The following SHQ1 variants were observed in gnomAD, a reference collection of about 807,000 sequenced individuals.
SHQ1 encodes SHQ1, H/ACA ribonucleoprotein assembly factor, also known as protein SHQ1 homolog.
Under a neutral mutation model 53.8 loss-of-function variants are expected in SHQ1, and 49 were observed. That is an observed-to-expected ratio of 0.91 (90% CI 0.72 to 1.16). SHQ1 has a LOEUF of 1.16. Ranked by LOEUF, SHQ1 falls within the 50% of genes most tolerant of loss-of-function variation. The pLI is 0.00. For missense variants in SHQ1, 738 were observed against 683.1 expected (o/e 1.08, Z -0.90); for synonymous variants, 243 against 251.0 (o/e 0.97, Z 0.30).
intron 10 of SHQ1, chr3:72,752,888 C>T (rs1559657932): frequency 1.6e-6 from 1 of 641,728 alleles, no homozygotes; most frequent in African/African-American, 2.0e-5. Flanking sequence ...TGGTCTTGAT[C>T]TCCTGACCTC....
At chr3:72,820,956 T>C (rs1291201114) in intron 6 of SHQ1, among the ~76,000 whole-genome samples, 1 of 152,212 alleles carries the variant, frequency 6.6e-6, no homozygotes, top group African/African-American at 2.4e-5. Context: ...AAATATTTTC[T>C]AATTTTGTTA....
intron 10 of SHQ1, among the ~76,000 whole-genome samples, chr3:72,760,798 GAA>G (rs1206810965): frequency 1.3e-5 from 2 of 152,198 alleles, no homozygotes; most frequent in African/African-American, 2.4e-5. Context: ...TGTGGAGCTA[GAA>G]AATAATCAGT....
At chr3:72,787,378 A>G (rs1236601742) in intron 10 of SHQ1, among the ~76,000 whole-genome samples, 2 of 152,232 alleles carry the variant, frequency 1.3e-5, no homozygotes, top group Non-Finnish European at 2.9e-5. Flanking sequence ...TGTACTGATA[A>G]GAGTCAGGAT....
Position 72,749,325 on chromosome 3 carries a change from G to T in SHQ1, c.*959C>A. 4.4e-6 allele frequency: 1 copy of T among 229,532 alleles called. No homozygotes were observed. The highest frequency in any genetic ancestry group is 6.2e-5 in the East Asian group (1 of 16,174). The allele number at this position is 229,532 out of a possible 1,614,324, so 14.2% of individuals were successfully genotyped here. A position where few individuals can be genotyped will look rare whatever the true frequency, so the allele number is the denominator to read the frequency against. ...CTTTATTTATAACAGCCCCAAACTG[G>T]AAACAACCCAGGTGTCCATCGATAG... On this transcript the variant is annotated 3_prime_UTR_variant, in exon 11 of 11. Transcript: ENST00000325599.
intron 10 of SHQ1, among the ~76,000 whole-genome samples, chr3:72,757,065 T>C (rs934258203): frequency 1.3e-5 from 2 of 152,160 alleles, no homozygotes; most frequent in African/African-American, 4.8e-5. Context: ...ATACATCCTG[T>C]TTTTTTGCTG....
intron 9 of SHQ1, among the ~76,000 whole-genome samples, chr3:72,800,927 T>G (rs578171971): frequency 2.7e-4 from 41 of 152,352 alleles, no homozygotes; most frequent in African/African-American, 9.6e-4. Context: ...CTTTTTGCCT[T>G]TTCTGCTCTA....
At chr3:72,742,873 C>T in the SHQ1 span, among the ~76,000 whole-genome samples, 7 of 152,126 alleles carry the variant, frequency 4.6e-5, no homozygotes, top group Non-Finnish European at 7.4e-5. Flanking sequence ...TCCTCGGCTT[C>T]GATCCACCTG....
downstream of SHQ1, among the ~76,000 whole-genome samples, chr3:72,747,271 C>T (rs1462691646): frequency 6.6e-6 from 1 of 152,200 alleles, no homozygotes; most frequent in Admixed American, 6.5e-5. Context: ...ACCTCCCCAG[C>T]AGCTTAAACT....
chr3:72,833,296 C>G (rs1707877817), intron 4 of SHQ1, among the ~76,000 whole-genome samples: 1 of 152,056 alleles, frequency 6.6e-6, no homozygotes, highest in Non-Finnish European at 1.5e-5. Context: ...CAAAAATTAG[C>G]CAGGCATGGT....
In SHQ1 at chr3:72,750,292, T is replaced by C. The variant is rs1221352417; in HGVS notation, c.1726A>G (p.Asn576Asp). Reference sequence around the variant, plus strand: ...ATAAAACCACCTAAGAGTCAATTATTTGGTGTCTGACAGCCGTCTCTCTCC... The same window carrying C: ...ATAAAACCACCTAAGAGTCAATTATCTGGTGTCTGACAGCCGTCTCTCTCC... ...IQERDGCQTP[N>D]N The change falls in exon 11 of 11, where the codon AAT (asparagine) becomes GAT (aspartate). Residue 576 changes from asparagine to aspartate, a missense_variant. Physicochemically the swap from Asn to Asp is conservative, Grantham distance 23. Transcript: ENST00000325599. 2.5e-6 allele frequency: 4 copies of C among 1,603,890 alleles called. No homozygotes were observed. The highest frequency in any genetic ancestry group is 3.4e-6 in the Non-Finnish European group (4 of 1,175,502).
At chr3:72,784,661 C>T (rs889417028) in intron 10 of SHQ1, among the ~76,000 whole-genome samples, 7 of 152,198 alleles carry the variant, frequency 4.6e-5, no homozygotes, top group Non-Finnish European at 1.0e-4. Context: ...TTTCTTGAAA[C>T]TTCTACATGC....
intron 4 of SHQ1, among the ~76,000 whole-genome samples, chr3:72,837,473 T>C (rs1434357569): frequency 6.6e-6 from 1 of 152,178 alleles, no homozygotes; most frequent in African/African-American, 2.4e-5. Context: ...TGTATATTTT[T>C]ATAATAAATC....
At chr3:72,838,313 G>A (rs572572906) in intron 4 of SHQ1, among the ~76,000 whole-genome samples, 5 of 152,240 alleles carry the variant, frequency 3.3e-5, no homozygotes, top group South Asian at 2.1e-4. Flanking sequence ...TACTATTTAC[G>A]TTATAAAACC....
chr3:72,843,353 T>G (rs1410713665), intron 2 of SHQ1, among the ~76,000 whole-genome samples: 1 of 152,198 alleles, frequency 6.6e-6, no homozygotes, highest in East Asian at 1.9e-4. Context: ...TAAGGTTTTC[T>G]GGCATGTCAG....
intron 9 of SHQ1, among the ~76,000 whole-genome samples, chr3:72,803,973 G>C (rs2106831091): frequency 6.6e-6 from 1 of 152,292 alleles, no homozygotes; most frequent in Non-Finnish European, 1.5e-5. Context: ...CTGCAGCGCA[G>C]TGGCATGATC....
At chr3:72,773,891 T>TATG (rs1705904735) in intron 10 of SHQ1, among the ~76,000 whole-genome samples, 1 of 152,204 alleles carries the variant, frequency 6.6e-6, no homozygotes, top group Non-Finnish European at 1.5e-5. Flanking sequence ...CTTTACATCA[T>TATG]ATGTTCAGAG....
the SHQ1 span, among the ~76,000 whole-genome samples, chr3:72,741,538 A>G: frequency 2.6e-5 from 4 of 152,016 alleles, no homozygotes; most frequent in Non-Finnish European, 4.4e-5. Context: ...GTGAGCTGAG[A>G]TCGTGCCACT....
At chr3:72,725,531 C>A in the SHQ1 span, among the ~76,000 whole-genome samples, 1 of 152,192 alleles carries the variant, frequency 6.6e-6, no homozygotes, top group Middle Eastern at 3.2e-3. Context: ...CACCCCACTC[C>A]TCCGTTTCAC....
intron 9 of SHQ1, among the ~76,000 whole-genome samples, chr3:72,807,060 T>C (rs368282313): frequency 6.6e-6 from 1 of 152,208 alleles, no homozygotes; most frequent in Non-Finnish European, 1.5e-5. Flanking sequence ...ATTCAAAATA[T>C]GTGTTGAACA....
Sources: gnomAD v4.1 joint callset for allele counts (sites outside exome capture counted in the v4.1 genomes callset) on GRCh38, gnomAD v4.1.1 for gene constraint, MANE v1.5 for transcripts, NCBI Gene and HGNC (gene_info 2026-07-23, HGNC 2026-07-21) for gene names.